The following NXPH2 variants were observed in gnomAD, a reference collection of about 807,000 sequenced individuals.
NXPH2 encodes the protein neurexophilin 2, also known as neurexophilin-2.
NXPH2 carries 5 observed loss-of-function variants against 19.8 expected under a neutral mutation model. That is an observed-to-expected ratio of 0.25 (90% CI 0.13 to 0.53). The LOEUF is 0.53. Among genes scored for constraint, NXPH2 ranks in the 20% least tolerant of loss-of-function variants. NXPH2 has a pLI of 0.96. For synonymous variants in NXPH2, 154 were observed against 127.4 expected (o/e 1.21, Z -1.41); for missense variants, 289 against 322.8 (o/e 0.90, Z 0.80).
intron 1 of NXPH2, among the ~76,000 whole-genome samples, chr2:138,688,552 G>A (rs184893324): frequency 5.1e-4 from 77 of 152,096 alleles, no homozygotes; most frequent in African/African-American, 1.8e-3. Flanking sequence ...CTCAGCAGTG[G>A]GACCCTTTCT....
At chr2:138,760,116 A>C (rs1242188055) in intron 1 of NXPH2, among the ~76,000 whole-genome samples, 1 of 152,186 alleles carries the variant, frequency 6.6e-6, no homozygotes, top group Non-Finnish European at 1.5e-5. Flanking sequence ...ATTTTAAATA[A>C]AAAAATTAAA....
intron 1 of NXPH2, among the ~76,000 whole-genome samples, chr2:138,698,918 G>T (rs992070888): frequency 2.6e-5 from 4 of 152,094 alleles, no homozygotes; most frequent in Non-Finnish European, 5.9e-5. Context: ...ATTGAAAAGG[G>T]TAATGAATTT....
At position 138,670,073 on chromosome 2, in the gene NXPH2, A is replaced by C. The variant is rs1391428160; in HGVS notation, c.*849T>G. On this transcript the variant is annotated 3_prime_UTR_variant, in exon 2 of 2. Transcript: ENST00000272641. The stretch of plus-strand genomic sequence containing the variant: ...TCAGAGCTGTTCTACACATGTGTAA[A>C]GAATCACACTATCGAATGAATTGAA... Among the ~76,000 whole-genome samples, 1 of 152,252 alleles carries C rather than the reference A, an allele frequency of 6.6e-6. No homozygotes were observed. Among genetic ancestry groups the C allele is most frequent in the Admixed American group, 6.5e-5 (1 of 15,288 alleles).
intron 1 of NXPH2, among the ~76,000 whole-genome samples, chr2:138,691,412 G>C (rs1406748297): frequency 6.6e-6 from 1 of 152,162 alleles, no homozygotes; most frequent in Non-Finnish European, 1.5e-5. Flanking sequence ...ATCATGCACA[G>C]ATTGAATGTG....
intron 1 of NXPH2, among the ~76,000 whole-genome samples, chr2:138,719,004 G>T (rs571702800): frequency 1.4e-4 from 21 of 152,102 alleles, no homozygotes; most frequent in Non-Finnish European, 2.5e-4. Context: ...AAATTGTAAT[G>T]ATAACCCTAG....
chr2:138,749,285 C>T (rs1681790319), intron 1 of NXPH2, among the ~76,000 whole-genome samples: 1 of 152,166 alleles, frequency 6.6e-6, no homozygotes, highest in African/African-American at 2.4e-5. Context: ...TTTCCTGAGG[C>T]CTCTCTAGCC....
intron 1 of NXPH2, among the ~76,000 whole-genome samples, chr2:138,727,805 CA>C (rs1302310183): frequency 9.2e-5 from 14 of 151,946 alleles, no homozygotes; most frequent in African/African-American, 3.4e-4. Flanking sequence ...ATTATTTGAC[CA>C]AAATAAATAT....
chr2:138,780,205 C>A lies in NXPH2; in HGVS notation c.37G>T (p.Gly13Cys). The change falls in exon 1 of 2, where the codon GGC (glycine) becomes TGC (cysteine). Residue 13 changes from glycine to cysteine, a missense_variant. Physicochemically the swap from Gly to Cys is radical, Grantham distance 159. Coordinates refer to ENST00000272641, the MANE Select transcript of NXPH2 (RefSeq NM_007226.3). ...LRPLPLVVVP[G>C]LLQLLFCDSK... ...CGGGCACTCACCAGCTGCAGCAAGC[C>A]AGGGACCACCACGAGGGGCAGCGGC... 1 of 1,484,064 alleles carries A rather than the reference C, an allele frequency of 6.7e-7. No individual in the cohort carries two copies. Among genetic ancestry groups the A allele is most frequent in the African/African-American group, 1.5e-5 (1 of 68,256 alleles). The allele number at this position is 1,484,064 out of a possible 1,614,324, so 91.9% of individuals were successfully genotyped here. A position where few individuals can be genotyped will look rare whatever the true frequency, so the allele number is the denominator to read the frequency against.
In NXPH2 at chr2:138,670,464, G is replaced by T. The variant is rs945115454; in HGVS notation, c.*458C>A. ...GAAAAGATAGAAATATAAAAAAAAG[G>T]GTCCAATGTCAAAAACACAATTCAT... On this transcript the variant is annotated 3_prime_UTR_variant, in exon 2 of 2. Transcript: ENST00000272641. Among the ~76,000 whole-genome samples the T allele has an allele frequency of 1.3e-5, 2 of 152,208 alleles. No individual in the cohort carries two copies. Among genetic ancestry groups the T allele is most frequent in the Middle Eastern group, 3.4e-3 (1 of 294 alleles).
At chr2:138,778,167 A>C (rs1250176692) in intron 1 of NXPH2, among the ~76,000 whole-genome samples, 1 of 152,202 alleles carries the variant, frequency 6.6e-6, no homozygotes, top group Non-Finnish European at 1.5e-5. Flanking sequence ...AACAGCTCTA[A>C]GAATGTGGAG....
intron 1 of NXPH2, among the ~76,000 whole-genome samples, chr2:138,702,423 T>G (rs995764130): frequency 6.6e-6 from 1 of 152,150 alleles, no homozygotes; most frequent in Non-Finnish European, 1.5e-5. Context: ...TCTGGCCTGT[T>G]TCTTTTTCTG....
chr2:138,691,712 A>G (rs923640538), intron 1 of NXPH2, among the ~76,000 whole-genome samples: 1 of 152,204 alleles, frequency 6.6e-6, no homozygotes, highest in African/African-American at 2.4e-5. Context: ...GCCCTGAAAT[A>G]CATGGAGATG....
intron 1 of NXPH2, among the ~76,000 whole-genome samples, chr2:138,700,836 G>A (rs1326848357): frequency 2.6e-5 from 4 of 152,020 alleles, no homozygotes; most frequent in Non-Finnish European, 1.5e-5. Flanking sequence ...TTATGTGTTG[G>A]TTCATATCGG....
chr2:138,774,552 G>T (rs1209388611), intron 1 of NXPH2, among the ~76,000 whole-genome samples: 2 of 152,106 alleles, frequency 1.3e-5, no homozygotes, highest in Admixed American at 1.3e-4. Flanking sequence ...ATTAAAAAAG[G>T]AGAGATGTTA....
chr2:138,772,611 C>T (rs959960312), intron 1 of NXPH2, among the ~76,000 whole-genome samples: 26 of 152,128 alleles, frequency 1.7e-4, no homozygotes, highest in African/African-American at 6.0e-4. Flanking sequence ...AGGTTAAATT[C>T]TAAATAGAAC....
At chr2:138,720,608 T>C (rs563114273) in intron 1 of NXPH2, among the ~76,000 whole-genome samples, 7 of 152,356 alleles carry the variant, frequency 4.6e-5, no homozygotes, top group African/African-American at 1.7e-4. Flanking sequence ...GAAAAGGCTC[T>C]GACAGTGAGG....
At chr2:138,683,826 A>G (rs1019197233) in intron 1 of NXPH2, among the ~76,000 whole-genome samples, 2 of 152,194 alleles carry the variant, frequency 1.3e-5, no homozygotes, top group African/African-American at 2.4e-5. Context: ...TTGTTAATTT[A>G]AAATAAATTT....
At chr2:138,768,202 T>C (rs1304446010) in intron 1 of NXPH2, among the ~76,000 whole-genome samples, 1 of 152,210 alleles carries the variant, frequency 6.6e-6, no homozygotes, top group East Asian at 1.9e-4. Context: ...GTTGTTCTGT[T>C]TTCTCTTTGT....
At position 138,669,367 on chromosome 2, in the gene NXPH2, G is replaced by A. The variant is rs184327775; in HGVS notation, c.*1555C>T. The stretch of plus-strand genomic sequence containing the variant: ...CCACAAAATTACAAAAACATGTGGT[G>A]AACTCAGAGCAAGAACTTCAAGCCT... On this transcript the variant is annotated 3_prime_UTR_variant, in exon 2 of 2. Coordinates refer to ENST00000272641, the MANE Select transcript of NXPH2 (RefSeq NM_007226.3). Among the ~76,000 whole-genome samples the A allele has an allele frequency of 1.6e-4, 25 of 152,116 alleles. No homozygotes were observed. Among genetic ancestry groups the A allele is most frequent in the African/African-American group, 6.0e-4 (25 of 41,512 alleles).
Sources: allele counts gnomAD v4.1 joint callset (sites outside exome capture counted in the v4.1 genomes callset), GRCh38; gene constraint gnomAD v4.1.1; transcripts MANE v1.5; gene names NCBI Gene and HGNC (gene_info 2026-07-23, HGNC 2026-07-21).